CADM1: variants seen among roughly 807,000 people sequenced by gnomAD.
CADM1 encodes the protein cell adhesion molecule 1, also known as TSLC-1.
A neutral mutation model predicts 53.1 loss-of-function variants in CADM1; 15 were observed. The ratio of observed to expected loss-of-function variants is 0.28; its 90% CI spans 0.19 to 0.44. CADM1 has a LOEUF of 0.44. Among genes scored for constraint, CADM1 ranks in the 20% least tolerant of loss-of-function variants. The probability of loss-of-function intolerance (pLI) is 1.00; values close to 1 mark genes in which losing one functional copy is unlikely to be tolerated. For missense variants in CADM1, 434 were observed against 611.3 expected, an observed-to-expected ratio of 0.71 and a Z score of 3.06; for synonymous variants, 281 against 243.0, an observed-to-expected ratio of 1.16 and a Z score of -1.45.
intron 1 of CADM1, among the ~76,000 whole-genome samples, chr11:115,483,662 A>G (rs1949304431): frequency 6.6e-6 from 1 of 152,220 alleles, no homozygotes; most frequent in Admixed American, 6.5e-5. Flanking sequence ...CCCTCTTCCA[A>G]CCTCCTCTCA....
intron 8 of CADM1, among the ~76,000 whole-genome samples, chr11:115,201,421 T>C (rs1251493019): frequency 1.3e-5 from 2 of 152,152 alleles, no homozygotes; most frequent in African/African-American, 4.8e-5. Context: ...CCTTCATAAT[T>C]GCGTTATGAC....
intron 10 of CADM1, among the ~76,000 whole-genome samples, chr11:115,182,143 G>A (rs1939342941): frequency 6.6e-6 from 1 of 152,150 alleles, no homozygotes; most frequent in Non-Finnish European, 1.5e-5. Flanking sequence ...GGCTTTCCTG[G>A]GGACATTCTC....
chr11:115,286,121 T>C (rs1026855829), intron 1 of CADM1, among the ~76,000 whole-genome samples: 4 of 152,206 alleles, frequency 2.6e-5, no homozygotes, highest in African/African-American at 9.6e-5. Flanking sequence ...AGTTTAGATA[T>C]GTGTAAATAA....
chr11:115,244,099 G>A (rs916200594), intron 1 of CADM1, among the ~76,000 whole-genome samples: 29 of 152,162 alleles, frequency 1.9e-4, no homozygotes, highest in African/African-American at 6.5e-4. Flanking sequence ...ATAAAACTAT[G>A]GCACTGGAGA....
At chr11:115,229,777 A>C (rs1251734470) in intron 4 of CADM1, among the ~76,000 whole-genome samples, 1 of 152,244 alleles carries the variant, frequency 6.6e-6, no homozygotes, top group Admixed American at 6.5e-5. Context: ...GCCTACTCCC[A>C]TCATCAACAA....
At chr11:115,227,210 C>G (rs969456709) in intron 5 of CADM1, among the ~76,000 whole-genome samples, 9 of 152,230 alleles carry the variant, frequency 5.9e-5, no homozygotes, top group African/African-American at 1.7e-4. Flanking sequence ...ATTAAAGGCT[C>G]GCAGTACTTT....
chr11:115,459,260 C>T (rs1591266034), intron 1 of CADM1, among the ~76,000 whole-genome samples: 1 of 152,160 alleles, frequency 6.6e-6, no homozygotes, highest in Non-Finnish European at 1.5e-5. Flanking sequence ...CTGCAGATTA[C>T]TCTCTACTAT....
At chr11:115,471,055 C>T (rs917223069) in intron 1 of CADM1, among the ~76,000 whole-genome samples, 4 of 152,176 alleles carry the variant, frequency 2.6e-5, no homozygotes, top group Admixed American at 6.5e-5. Context: ...TAGCCTAAGA[C>T]ATAGCCAAAA....
chr11:115,278,218 A>G (rs919588658), intron 1 of CADM1, among the ~76,000 whole-genome samples: 3 of 152,158 alleles, frequency 2.0e-5, no homozygotes, highest in African/African-American at 7.2e-5. Context: ...CTAAGATGAG[A>G]AAAAAATATG....
chr11:115,217,643 T>C (rs1281309638), intron 6 of CADM1, among the ~76,000 whole-genome samples: 1 of 152,234 alleles, frequency 6.6e-6, no homozygotes, highest in Non-Finnish European at 1.5e-5. Flanking sequence ...GACAATCATG[T>C]TGATAATAAT....
intron 1 of CADM1, among the ~76,000 whole-genome samples, chr11:115,314,297 C>G (rs1022360557): frequency 2.1e-4 from 32 of 152,274 alleles, no homozygotes; most frequent in African/African-American, 7.5e-4. Context: ...AGCCACTAAA[C>G]AATTAAGTTA....
At chr11:115,285,908 G>T (rs12804345) in intron 1 of CADM1, among the ~76,000 whole-genome samples, 26,346 of 152,052 alleles carry the variant, frequency 0.17, 2,471 homozygotes, top group South Asian at 0.32. Flanking sequence ...TTTACAGAGT[G>T]ATGTTACTTT....
At chr11:115,229,721 C>G (rs1481849370) in intron 4 of CADM1, among the ~76,000 whole-genome samples, 2 of 152,192 alleles carry the variant, frequency 1.3e-5, no homozygotes, top group East Asian at 3.8e-4. Context: ...TTATCCAAAT[C>G]CCCTAAGTAA....
intron 1 of CADM1, among the ~76,000 whole-genome samples, chr11:115,404,268 G>A (rs1457518360): frequency 7.1e-6 from 1 of 140,524 alleles, no homozygotes; most frequent in African/African-American, 2.7e-5. Flanking sequence ...GGAGGTTGCA[G>A]TGAGCCAAGA....
rs1012431388 is a variant in CADM1, at chr11:115,178,730, G to A, written c.1211C>T (p.Ala404Val). 1.4e-5 allele frequency: 22 copies of A among 1,613,686 alleles called. No individual in the cohort carries two copies. Among genetic ancestry groups the A allele is most frequent in the African/African-American group, 2.7e-5 (2 of 74,878 alleles). ...EEGSIRAVDHAVIGGVVAVVV... is the reference protein window; with the variant it reads ...EEGSIRAVDHVVIGGVVAVVV... ...CACCGCCACGACGCCACCGATCACG[G>A]CATGATCCACTGCCCTGATCGAGCC... is the stretch of plus-strand genomic sequence containing the variant. The change falls in exon 11 of 12, where the codon GCC becomes GTC. Residue 404 changes from alanine to valine, a missense_variant. By Grantham distance (64) the Ala-to-Val change is moderately conservative. Around this residue, in one of 4 missense-constraint regions of CADM1, gnomAD observed 311 missense variants for 435.1 expected, o/e 0.71. Coordinates refer to ENST00000331581, the MANE Select transcript of CADM1 (RefSeq NM_001301043.2).
At chr11:115,413,658 T>TC (rs1947516168) in intron 1 of CADM1, among the ~76,000 whole-genome samples, 1 of 150,306 alleles carries the variant, frequency 6.7e-6, no homozygotes, top group Non-Finnish European at 1.5e-5. Context: ...TTTTTTTTTT[T>TC]CTCTGAGACA....
chr11:115,290,265 C>T (rs920555719), intron 1 of CADM1, among the ~76,000 whole-genome samples: 6 of 152,174 alleles, frequency 3.9e-5, no homozygotes, highest in African/African-American at 1.4e-4. Flanking sequence ...TGTTCATCTA[C>T]GTGGTCTATA....
At chr11:115,186,578 G>T (rs939825931) in intron 10 of CADM1, among the ~76,000 whole-genome samples, 2 of 152,264 alleles carry the variant, frequency 1.3e-5, no homozygotes, top group Non-Finnish European at 2.9e-5. Flanking sequence ...CCCATGCTTC[G>T]CTTCTCACTG....
chr11:115,364,186 C>T (rs531072855), intron 1 of CADM1, among the ~76,000 whole-genome samples: 1 of 152,250 alleles, frequency 6.6e-6, no homozygotes, highest in South Asian at 2.1e-4. Context: ...TATGTTCATT[C>T]TTATTCTGTC....
Sources: allele counts gnomAD v4.1 joint callset (sites outside exome capture counted in the v4.1 genomes callset), GRCh38; gene constraint gnomAD v4.1.1; regional missense constraint gnomAD v4.1.1; transcripts MANE v1.5; gene names NCBI Gene and HGNC (gene_info 2026-07-23, HGNC 2026-07-21).